The following LAMA3 variants were observed in gnomAD, a reference collection of about 807,000 sequenced individuals.
LAMA3 encodes laminin subunit alpha-3.
LAMA3 carries 281 observed loss-of-function variants against 402.0 expected under a neutral mutation model. The observed-to-expected ratio is 0.70, with a 90% CI of 0.63 to 0.77. The LOEUF (loss-of-function observed/expected upper bound fraction) is 0.77. Among genes scored for constraint, LAMA3 ranks in the 30% least tolerant of loss-of-function variants. The probability of loss-of-function intolerance (pLI) is 0.00; values close to 1 mark genes in which losing one functional copy is unlikely to be tolerated. For synonymous variants in LAMA3, 1,431 were observed against 1,558.4 expected (o/e 0.92, Z 1.93); for missense variants, 3,840 against 4,215.5 (o/e 0.91, Z 2.47).
At chr18:23,883,799 G>A (rs1279326144) in intron 40 of LAMA3, among the ~76,000 whole-genome samples, 2 of 152,218 alleles carry the variant, frequency 1.3e-5, no homozygotes, top group East Asian at 3.8e-4. Context: ...GCAAAGCGTA[G>A]TAGCATCAAG....
At chr18:23,784,290 G>A (rs1189966918) in intron 12 of LAMA3, 133 bp downstream of exon 12, 3 of 1,039,570 alleles carry the variant, frequency 2.9e-6, no homozygotes, top group Non-Finnish European at 4.4e-6. Flanking sequence ...ATATATGGAT[G>A]TTACATGTGA....
At chr18:23,925,846 G>C (rs1192285961) in intron 62 of LAMA3, among the ~76,000 whole-genome samples, 3 of 152,166 alleles carry the variant, frequency 2.0e-5, no homozygotes, top group African/African-American at 7.2e-5. Flanking sequence ...CTAGAAAAAG[G>C]CATGATCACT....
chr18:23,890,080 C>G lies in LAMA3; in HGVS notation c.5373C>G (p.Ser1791Arg). 2 of 1,614,058 alleles carry G rather than the reference C, an allele frequency of 1.2e-6. No individual in the cohort carries two copies. Among genetic ancestry groups the G allele is most frequent in the Admixed American group, 1.7e-5 (1 of 60,032 alleles). The change falls in exon 42 of 75, where the codon AGC (serine) becomes AGG (arginine). Residue 1791 changes from serine to arginine, a missense_variant. By Grantham distance (110) the Ser-to-Arg change is moderately radical. Transcript: ENST00000313654. ...GCTGCCAACCATGCAGTTGTAACAG[C>G]AATGGCCAGCTGGGCAGCTGTCATC... ...GGSCQPCSCN[S>R]NGQLGSCHPL...
chr18:23,746,625 A>G (rs2061655506), intron 2 of LAMA3, among the ~76,000 whole-genome samples: 1 of 152,174 alleles, frequency 6.6e-6, no homozygotes, highest in Admixed American at 6.5e-5. Flanking sequence ...TTAATAAAAT[A>G]TATTTATGCT....
chr18:23,830,670 C>T (rs1055430010), intron 23 of LAMA3, among the ~76,000 whole-genome samples: 16 of 152,086 alleles, frequency 1.1e-4, no homozygotes, highest in Admixed American at 3.3e-4. Flanking sequence ...CCTCTCTCAC[C>T]GCTTCCTCAA....
intron 12 of LAMA3, among the ~76,000 whole-genome samples, chr18:23,809,148 G>A (rs569626710): frequency 2.6e-5 from 4 of 152,340 alleles, no homozygotes; most frequent in African/African-American, 9.6e-5. Context: ...CATTTCGGCT[G>A]TGCGAAGCAT....
rs778615516 is a variant in LAMA3 at position 23,914,819 on chromosome 18, A to T, written c.7603A>T (p.Asn2535Tyr). 1 of 1,613,296 alleles carries T rather than the reference A, an allele frequency of 6.2e-7. No individual in the cohort carries two copies. Among genetic ancestry groups the T allele is most frequent in the Non-Finnish European group, 8.5e-7 (1 of 1,179,284 alleles). ...SNTLLNLDPENVVFYVGGYPP... is the reference protein window; with the variant it reads ...SNTLLNLDPEYVVFYVGGYPP... ...TACACTCCTTAATTTGGATCCTGAA[A>T]ATGTTGTATTTTATGTTGGAGGTTA... Residue 2535 changes from asparagine (N) to tyrosine (Y), a missense_variant, in exon 58 of 75, where the codon AAT becomes TAT. Physicochemically the swap from Asn to Tyr is moderately radical, Grantham distance 143. Around this residue, in one of 3 missense-constraint regions of LAMA3, gnomAD observed 840 missense variants for 981.9 expected, o/e 0.86. Coordinates refer to ENST00000313654, the MANE Select transcript of LAMA3 (RefSeq NM_198129.4).
chr18:23,867,924 G>A lies in LAMA3; in HGVS notation c.4767+7G>A. ...ACGAGTGCACGTGGTCGAGGTAAAG[G>A]AAGAGCAACCATAGGATGGTCCTTT... is the stretch of plus-strand genomic sequence containing the variant. On this transcript the variant is annotated splice_region_variant and intron_variant, in intron 37 of 74. Transcript: ENST00000313654. 6.2e-7 allele frequency: 1 copy of A among 1,611,674 alleles called. No homozygotes were observed. Among genetic ancestry groups the A allele is most frequent in the Non-Finnish European group, 8.5e-7 (1 of 1,177,794 alleles).
chr18:23,709,475 T>TA (rs926600528), intron 1 of LAMA3, among the ~76,000 whole-genome samples: 4 of 152,192 alleles, frequency 2.6e-5, no homozygotes, highest in African/African-American at 9.7e-5. Context: ...CTCCTGCCTT[T>TA]AAAAAAATCC....
At chr18:23,913,167 G>T (rs556223949) in intron 56 of LAMA3, among the ~76,000 whole-genome samples, 1 of 152,246 alleles carries the variant, frequency 6.6e-6, no homozygotes, top group South Asian at 2.1e-4. Flanking sequence ...TATGCACTTG[G>T]GGAGGATGAT....
chr18:23,771,185 A>G (rs1225270466), intron 8 of LAMA3, among the ~76,000 whole-genome samples: 1 of 152,236 alleles, frequency 6.6e-6, no homozygotes, highest in African/African-American at 2.4e-5. Flanking sequence ...GGATGAAGAA[A>G]CTCAGGCATA....
In LAMA3 at chr18:23,842,485, G is replaced by A. The variant is rs750682821; in HGVS notation, c.3427G>A (p.Ala1143Thr). Residue 1143 changes from alanine (A) to threonine (T), a missense_variant, in exon 28 of 75, where the codon GCG (alanine) becomes ACG (threonine). Ala to Thr is a moderately conservative substitution (Grantham distance 58, BLOSUM62 0). This residue lies in a region of LAMA3 where 2,109 missense variants were observed against 2,376.0 expected (regional missense o/e 0.89). Coordinates refer to ENST00000313654, the MANE Select transcript of LAMA3 (RefSeq NM_198129.4). Reference sequence around the variant, plus strand: ...CCAAGCAGCGCACCCGACGTTTCCCGCGCAGGTGTCGGTGGATGGCGGGTG... The same window carrying A: ...CCAAGCAGCGCACCCGACGTTTCCCACGCAGGTGTCGGTGGATGGCGGGTG... The part of the protein sequence containing the change: ...FYQAAHPTFP[A>T]QVSVDGGWPR... 2.0e-5 allele frequency: 32 copies of A among 1,614,196 alleles called. No individual in the cohort carries two copies. The highest frequency in any genetic ancestry group is 1.3e-4 in the South Asian group (12 of 91,078).
At chr18:23,725,703 G>A (rs918317671) in intron 2 of LAMA3, among the ~76,000 whole-genome samples, 2 of 152,184 alleles carry the variant, frequency 1.3e-5, no homozygotes, top group South Asian at 4.1e-4. Flanking sequence ...CTAGACCAGA[G>A]GGGCCAGGTT....
intron 2 of LAMA3, among the ~76,000 whole-genome samples, chr18:23,727,306 TTTGATTGA>T (rs71163638): frequency 9.8e-4 from 146 of 148,952 alleles, no homozygotes; most frequent in African/African-American, 2.8e-3. Flanking sequence ...TCTGTCCTTG[TTTGATTGA>T]TTGATTGATT....
chr18:23,770,409 A>C (rs935521336), intron 8 of LAMA3, among the ~76,000 whole-genome samples: 1 of 152,144 alleles, frequency 6.6e-6, no homozygotes, highest in Non-Finnish European at 1.5e-5. Flanking sequence ...AAAATTCAAA[A>C]GATTTGAATA....
At chr18:23,813,500 G>A (rs1253796956) in intron 14 of LAMA3, among the ~76,000 whole-genome samples, 1 of 147,570 alleles carries the variant, frequency 6.8e-6, no homozygotes. Flanking sequence ...ATTATTCCAA[G>A]CACAATACCA....
chr18:23,800,729 TC>T (rs1253649152), intron 12 of LAMA3, among the ~76,000 whole-genome samples: 11 of 152,204 alleles, frequency 7.2e-5, no homozygotes, highest in Admixed American at 5.9e-4. Flanking sequence ...GTTCTCTACT[TC>T]TATGAACTCA....
chr18:23,729,796 G>A (rs1222198334), intron 2 of LAMA3, among the ~76,000 whole-genome samples: 1 of 152,240 alleles, frequency 6.6e-6, no homozygotes, highest in Non-Finnish European at 1.5e-5. Context: ...AGCCTCACAG[G>A]GTTGTATGGG....
At chr18:23,837,904 G>C (rs4800517) in intron 25 of LAMA3, among the ~76,000 whole-genome samples, 21,722 of 152,046 alleles carry the variant, frequency 0.14, 3,332 homozygotes, top group African/African-American at 0.37. Flanking sequence ...TTAAGAAGTA[G>C]CTGGAATTCA....
Sources: allele counts gnomAD v4.1 joint callset (sites outside exome capture counted in the v4.1 genomes callset), GRCh38; gene constraint gnomAD v4.1.1; regional missense constraint gnomAD v4.1.1; transcripts MANE v1.5; gene names NCBI Gene and HGNC (gene_info 2026-07-23, HGNC 2026-07-21).